PRKCQ: variants seen among roughly 807,000 people sequenced by gnomAD.
PRKCQ encodes the protein protein kinase C theta type.
In PRKCQ, 41 loss-of-function variants were observed where a neutral mutation model predicts 91.2. The ratio of observed to expected loss-of-function variants is 0.45; its 90% CI spans 0.35 to 0.58. The LOEUF is 0.58. PRKCQ is among the 20% of genes least tolerant of loss of function. The pLI, the probability that PRKCQ is intolerant of heterozygous loss-of-function variation, is 0.00. For synonymous variants in PRKCQ, 307 were observed against 316.9 expected, an observed-to-expected ratio of 0.97 and a Z score of 0.33; for missense variants, 673 against 896.5, an observed-to-expected ratio of 0.75 and a Z score of 3.18.
intron 12 of PRKCQ, among the ~76,000 whole-genome samples, chr10:6,472,085 T>G (rs539450112): frequency 9.8e-4 from 149 of 152,196 alleles, no homozygotes; most frequent in Admixed American, 8.5e-4. Context: ...GAGGTGGGTG[T>G]ATCACAAGGT....
chr10:6,416,556 T>A, the PRKCQ span, among the ~76,000 whole-genome samples: 1 of 152,228 alleles, frequency 6.6e-6, no homozygotes, highest in African/African-American at 2.4e-5. Context: ...TTCCTTTTTA[T>A]GGCTGAGTAG....
intron 12 of PRKCQ, among the ~76,000 whole-genome samples, chr10:6,466,780 A>G (rs919888443): frequency 7.9e-5 from 12 of 152,226 alleles, no homozygotes; most frequent in African/African-American, 2.9e-4. Context: ...GAACCTCTGC[A>G]GAACCGCAAG....
chr10:6,437,638 A>G (rs1010320543), intron 16 of PRKCQ, among the ~76,000 whole-genome samples: 15 of 151,710 alleles, frequency 9.9e-5, no homozygotes, highest in African/African-American at 3.6e-4. Flanking sequence ...AGATCCCACT[A>G]ACTTATTATT....
At chr10:6,515,207 C>T in intron 1 of PRKCQ, 63 bp from the exon 2 acceptor site, 1 of 1,604,272 alleles carries the variant, frequency 6.2e-7, no homozygotes, top group South Asian at 1.1e-5. Flanking sequence ...TTTGGTGCCC[C>T]ATGTCTACTT....
chr10:6,398,815 G>A, the PRKCQ span, among the ~76,000 whole-genome samples: 3 of 151,680 alleles, frequency 2.0e-5, no homozygotes, highest in Admixed American at 6.6e-5. Context: ...GTGCAGTGGC[G>A]CAATTACAGC....
intron 1 of PRKCQ, among the ~76,000 whole-genome samples, chr10:6,573,629 C>T (rs866096751): frequency 1.3e-5 from 2 of 152,100 alleles, no homozygotes; most frequent in East Asian, 1.9e-4. Flanking sequence ...ATAGATTGTA[C>T]GCTTATTAGG....
chr10:6,508,313 G>T (rs1838301481), intron 3 of PRKCQ, among the ~76,000 whole-genome samples: 1 of 152,158 alleles, frequency 6.6e-6, no homozygotes, highest in Admixed American at 6.5e-5. Flanking sequence ...TGACTTGAAG[G>T]TCATTATTGG....
chr10:6,553,674 C>T (rs1360358008), intron 1 of PRKCQ, among the ~76,000 whole-genome samples: 1 of 151,786 alleles, frequency 6.6e-6, no homozygotes, highest in Non-Finnish European at 1.5e-5. Context: ...TTGTAGATAC[C>T]TCCTTGGGAA....
intron 11 of PRKCQ, among the ~76,000 whole-genome samples, chr10:6,482,998 C>T (rs963038375): frequency 3.3e-5 from 5 of 152,128 alleles, no homozygotes; most frequent in Admixed American, 2.0e-4. Context: ...AGCCCTATCA[C>T]ACCCCAAGGA....
At chr10:6,453,161 C>A (rs1454832944) in intron 15 of PRKCQ, among the ~76,000 whole-genome samples, 1 of 150,044 alleles carries the variant, frequency 6.7e-6, no homozygotes, top group African/African-American at 2.4e-5. Context: ...AGAAAATTTT[C>A]GCAACCTACT....
chr10:6,411,263 A>G, the PRKCQ span, among the ~76,000 whole-genome samples: 1 of 152,130 alleles, frequency 6.6e-6, no homozygotes, highest in Non-Finnish European at 1.5e-5. Context: ...CATTATGGAG[A>G]TTAAAGGAGT....
At chr10:6,460,731 T>A (rs2132321579) in intron 14 of PRKCQ, among the ~76,000 whole-genome samples, 1 of 152,292 alleles carries the variant, frequency 6.6e-6, no homozygotes, top group South Asian at 2.1e-4. Context: ...CCCCAGGTGA[T>A]CCATCTGCCT....
At chr10:6,499,464 A>G (rs1396620506) in intron 4 of PRKCQ, among the ~76,000 whole-genome samples, 1 of 152,240 alleles carries the variant, frequency 6.6e-6, no homozygotes, top group Non-Finnish European at 1.5e-5. Context: ...TAAGGCAGTC[A>G]TGGTTAAACA....
At position 6,514,875 on chromosome 10, in the gene PRKCQ, G is replaced by A. The variant is rs1838672990; in HGVS notation, c.118+143C>T. On this transcript the variant is annotated intron_variant, in intron 2 of 17. Coordinates refer to ENST00000263125, the MANE Select transcript of PRKCQ (RefSeq NM_006257.5). The stretch of plus-strand genomic sequence containing the variant: ...ATGTGTGTCCATGAGGAAGTCCTTG[G>A]CTTTGCTGGGCATCAGCGTCCTAAA... 3.6e-6 allele frequency: 5 copies of A among 1,380,586 alleles called. No homozygotes were observed. The South Asian group carries it at 3.8e-5, about 10-fold the overall frequency. The allele number at this position is 1,380,586 out of a possible 1,614,324, so 85.5% of individuals were successfully genotyped here.
At chr10:6,438,832 A>G (rs1833823573) in intron 16 of PRKCQ, among the ~76,000 whole-genome samples, 1 of 152,102 alleles carries the variant, frequency 6.6e-6, no homozygotes, top group Non-Finnish European at 1.5e-5. Flanking sequence ...CGGGCTGCTC[A>G]AGCAATCCTC....
chr10:6,576,966 T>C lies in PRKCQ; in HGVS notation c.-10+3245A>G, dbSNP rs1190898181. 6.6e-6 allele frequency among the ~76,000 whole-genome samples: 1 copy of C among 152,176 alleles called. No homozygotes were observed. The highest frequency in any genetic ancestry group is 2.4e-5 in the African/African-American group (1 of 41,446). On this transcript the variant is annotated intron_variant, in intron 1 of 17. Transcript: ENST00000263125. This position sits in a 1 kb window ranked among gnomAD's most constrained non-coding sequence, Gnocchi z 4.2. ...AGCAGTAATGCCTCTTACATATAAATAAAATTCTGAGTATGATATACAGCA... is the reference window on the plus strand; with the variant it reads ...AGCAGTAATGCCTCTTACATATAAACAAAATTCTGAGTATGATATACAGCA...
intron 1 of PRKCQ, among the ~76,000 whole-genome samples, chr10:6,570,568 T>C (rs1314303921): frequency 6.6e-6 from 1 of 150,726 alleles, no homozygotes; most frequent in African/African-American, 2.4e-5. Flanking sequence ...TTTTTTTTTT[T>C]TTCTAAGACA....
At chr10:6,442,901 G>T (rs956337112) in intron 15 of PRKCQ, among the ~76,000 whole-genome samples, 1 of 152,152 alleles carries the variant, frequency 6.6e-6, no homozygotes, top group African/African-American at 2.4e-5. Context: ...GGCAGTGGTT[G>T]CAGTGAGCCA....
At chr10:6,401,401 C>T in the PRKCQ span, among the ~76,000 whole-genome samples, 1 of 152,106 alleles carries the variant, frequency 6.6e-6, no homozygotes, top group African/African-American at 2.4e-5. Context: ...TTAAGGTCAA[C>T]AAACTTTAAG....
Sources: gnomAD v4.1 joint callset for allele counts (sites outside exome capture counted in the v4.1 genomes callset) on GRCh38, gnomAD v4.1.1 for gene constraint, Gnocchi (gnomAD v3.1) non-coding constraint, MANE v1.5 for transcripts, NCBI Gene and HGNC (gene_info 2026-07-23, HGNC 2026-07-21) for gene names.